Variants in SEMA5A observed in about 807,000 individuals in gnomAD.
SEMA5A encodes the protein semaphorin 5A.
SEMA5A carries 55 observed loss-of-function variants against 135.5 expected under a neutral mutation model. The ratio of observed to expected loss-of-function variants is 0.41; its 90% CI spans 0.33 to 0.51. The LOEUF (loss-of-function observed/expected upper bound fraction) is 0.51. Ranked by LOEUF, SEMA5A falls within the 20% of genes least tolerant of loss-of-function variation. The pLI, the probability that SEMA5A is intolerant of heterozygous loss-of-function variation, is 0.37. For synonymous variants in SEMA5A, 580 were observed against 546.5 expected (o/e 1.06, Z -0.85); for missense variants, 1,290 against 1,419.9 (o/e 0.91, Z 1.47).
At chr5:9,386,532 G>A (rs1755898498) in intron 2 of SEMA5A, among the ~76,000 whole-genome samples, 1 of 152,140 alleles carries the variant, frequency 6.6e-6, no homozygotes, top group African/African-American at 2.4e-5. Flanking sequence ...CTGCACCCTT[G>A]CTGATGTCAT....
intron 3 of SEMA5A, among the ~76,000 whole-genome samples, chr5:9,341,930 A>G (rs1275927012): frequency 6.6e-6 from 1 of 151,902 alleles, no homozygotes; most frequent in African/African-American, 2.4e-5. Flanking sequence ...TATTTTATCA[A>G]AAGTATAATT....
rs1414810508 is a variant in SEMA5A at position 9,486,861 on chromosome 5, C to A, written c.-174-49009G>T. ...CTCCTCACAGTTCTGAATGGCCACA[C>A]TGAATGCTAAAAGACAATAGAGTCA... On this transcript the variant is annotated intron_variant, in intron 1 of 22. Transcript: ENST00000382496. Among the ~76,000 whole-genome samples the A allele has an allele frequency of 4.6e-5, 7 of 152,100 alleles. No homozygotes were observed. The East Asian group carries it at 1.3e-3, about 29-fold the overall frequency.
Position 9,190,461 on chromosome 5 carries a change from A to G in SEMA5A, c.1079T>C (p.Val360Ala), listed in dbSNP as rs1213096679. The change falls in exon 11 of 23, where the codon GTG becomes GCG. Residue 360 changes from valine to alanine, a missense_variant. By Grantham distance (64) the Val-to-Ala change is moderately conservative (BLOSUM62 0). Coordinates refer to ENST00000382496, the MANE Select transcript of SEMA5A (RefSeq NM_003966.3). ...CAGGTTCACGTACAGGCCCTGGTCCACGGTGCCACACTGAAAGGGAAGACG... is the reference window on the plus strand; with the variant it reads ...CAGGTTCACGTACAGGCCCTGGTCCGCGGTGCCACACTGAAAGGGAAGACG... The part of the protein sequence containing the change: ...NPNPHFQCGT[V>A]DQGLYVNLTE... 6.2e-7 allele frequency: 1 copy of G among 1,613,324 alleles called. No homozygotes were observed. Among genetic ancestry groups the G allele is most frequent in the South Asian group, 1.1e-5 (1 of 91,036 alleles).
chr5:9,109,066 A>G (rs1171569517), intron 15 of SEMA5A, among the ~76,000 whole-genome samples: 1 of 75,646 alleles, frequency 1.3e-5, no homozygotes, highest in African/African-American at 5.9e-5. Flanking sequence ...TTTGAGACGG[A>G]GTCTCGCTCT....
At chr5:9,098,380 C>CA (rs1240968789) in intron 16 of SEMA5A, among the ~76,000 whole-genome samples, 2 of 152,032 alleles carry the variant, frequency 1.3e-5, no homozygotes, top group African/African-American at 4.8e-5. Flanking sequence ...AGAAATTGAC[C>CA]AAAAACATGT....
intron 3 of SEMA5A, among the ~76,000 whole-genome samples, chr5:9,360,223 C>T (rs1460902246): frequency 6.6e-6 from 1 of 152,114 alleles, no homozygotes; most frequent in Admixed American, 6.5e-5. Flanking sequence ...TATGCACACA[C>T]CTGCAGAGAT....
chr5:9,048,685 A>T (rs904068460), intron 21 of SEMA5A, among the ~76,000 whole-genome samples: 4 of 152,188 alleles, frequency 2.6e-5, no homozygotes, highest in African/African-American at 9.6e-5. Flanking sequence ...GAGGTGTTAC[A>T]TGAAGAACTG....
chr5:9,475,683 T>C (rs1429873717), intron 1 of SEMA5A, among the ~76,000 whole-genome samples: 4 of 152,222 alleles, frequency 2.6e-5, no homozygotes, highest in Admixed American at 2.6e-4. Flanking sequence ...ATAAAGTTGA[T>C]TTAGCCAGTT....
chr5:9,479,784 TGGC>T (rs1759806476), intron 1 of SEMA5A, among the ~76,000 whole-genome samples: 2 of 152,200 alleles, frequency 1.3e-5, no homozygotes, highest in African/African-American at 4.8e-5. Flanking sequence ...CACCTTGGGC[TGGC>T]AGGTACTCCG....
At chr5:9,399,082 A>G (rs1756532769) in intron 2 of SEMA5A, among the ~76,000 whole-genome samples, 1 of 152,212 alleles carries the variant, frequency 6.6e-6, no homozygotes, top group African/African-American at 2.4e-5. Flanking sequence ...TAACCCAGCA[A>G]TCCCACTCCT....
chr5:9,300,126 C>G (rs1286230883), intron 5 of SEMA5A, among the ~76,000 whole-genome samples: 1 of 152,130 alleles, frequency 6.6e-6, no homozygotes, highest in Non-Finnish European at 1.5e-5. Flanking sequence ...TCCCCAGTCT[C>G]CAGTGATCCT....
chr5:9,049,702 C>T (rs146978966), intron 21 of SEMA5A, among the ~76,000 whole-genome samples: 6 of 152,308 alleles, frequency 3.9e-5, no homozygotes, highest in African/African-American at 1.2e-4. Flanking sequence ...TTCTGAAAGG[C>T]GGACATGGGC....
At chr5:9,069,780 T>G (rs183270281) in intron 16 of SEMA5A, among the ~76,000 whole-genome samples, 1 of 152,220 alleles carries the variant, frequency 6.6e-6, no homozygotes, top group East Asian at 1.9e-4. Context: ...GTTTATAGCA[T>G]CTTTTATTAT....
intron 4 of SEMA5A, among the ~76,000 whole-genome samples, chr5:9,329,778 A>G (rs977499836): frequency 6.6e-6 from 1 of 152,170 alleles, no homozygotes; most frequent in Non-Finnish European, 1.5e-5. Flanking sequence ...GTATCCCCAG[A>G]GCATTGGCTC....
At chr5:9,466,250 A>T (rs1246920858) in intron 1 of SEMA5A, among the ~76,000 whole-genome samples, 19 of 151,832 alleles carry the variant, frequency 1.3e-4, no homozygotes, top group Admixed American at 1.2e-3. Context: ...GGATAGCATT[A>T]GGAGATATAC....
intron 5 of SEMA5A, among the ~76,000 whole-genome samples, chr5:9,305,708 G>GTGTATATATATA (rs1554017498): frequency 1.0e-3 from 140 of 139,226 alleles, no homozygotes; most frequent in African/African-American, 2.4e-3. Flanking sequence ...GTGTGTGTGC[G>GTGTATATATATA]TATATATATA....
At chr5:9,056,510 C>A (rs1450137334) in intron 18 of SEMA5A, among the ~76,000 whole-genome samples, 1 of 152,112 alleles carries the variant, frequency 6.6e-6, no homozygotes, top group Non-Finnish European at 1.5e-5. Context: ...TCACCTGAGG[C>A]CAGGAGTTCG....
intron 5 of SEMA5A, among the ~76,000 whole-genome samples, chr5:9,309,130 A>G (rs376645493): frequency 6.6e-6 from 1 of 152,058 alleles, no homozygotes; most frequent in Admixed American, 6.6e-5. Context: ...AATCCAGTGT[A>G]CTCTTCTTCC....
Position 9,280,739 on chromosome 5 carries a change from T to C in SEMA5A, c.270+37633A>G, listed in dbSNP as rs115377495. On this transcript the variant is annotated intron_variant, in intron 5 of 22. Transcript: ENST00000382496. ...AATTTTTACATGGAGGACTCTCAAG[T>C]TAACCAGGCTTGCTAAGATGAGAAC... 6.1e-3 allele frequency: 1,969 copies of C among 324,332 alleles called. 38 individuals are homozygous for C. The highest frequency in any genetic ancestry group is 0.039 in the African/African-American group (1,788 of 45,858). 20.1% of individuals were successfully genotyped at this position (324,332 alleles called of 1,614,324 possible).
Sources: gnomAD v4.1 joint callset for allele counts (sites outside exome capture counted in the v4.1 genomes callset) on GRCh38, gnomAD v4.1.1 for gene constraint, MANE v1.5 for transcripts, NCBI Gene and HGNC (gene_info 2026-07-23, HGNC 2026-07-21) for gene names.